Variants in RBFOX1 observed in about 807,000 individuals in gnomAD.
The protein encoded by RBFOX1 is RNA binding fox-1 homolog 1, also known as RNA binding protein fox-1 homolog 1.
Under a neutral mutation model 57.7 loss-of-function variants are expected in RBFOX1, and 8 were observed. The ratio of observed to expected loss-of-function variants is 0.14; its 90% confidence interval spans 0.08 to 0.25. RBFOX1 has a LOEUF of 0.25. Among genes scored for constraint, RBFOX1 ranks in the 10% least tolerant of loss-of-function variants. The probability of loss-of-function intolerance (pLI) is 1.00; values close to 1 mark genes in which losing one functional copy is unlikely to be tolerated. For missense variants in RBFOX1, 611 were observed against 548.5 expected, an observed-to-expected ratio of 1.11 and a Z score of -1.14; for synonymous variants, 326 against 222.4, an observed-to-expected ratio of 1.47 and a Z score of -4.15.
At chr16:6,541,256 C>G (rs1049578679) in intron 2 of RBFOX1, among the ~76,000 whole-genome samples, 2 of 152,112 alleles carry the variant, frequency 1.3e-5, no homozygotes, top group African/African-American at 4.8e-5. Context: ...TGGAATAGCC[C>G]GGGAAGGAAC....
chr16:6,166,909 G>C (rs1272230660), intron 1 of RBFOX1, among the ~76,000 whole-genome samples: 4 of 152,062 alleles, frequency 2.6e-5, no homozygotes, highest in Non-Finnish European at 5.9e-5. Context: ...AAGTAGCTGG[G>C]ACTACAGGCC....
intron 14 of RBFOX1, 22 bp downstream of exon 14, chr16:7,676,860 C>A: frequency 6.3e-7 from 1 of 1,592,374 alleles, no homozygotes; most frequent in Non-Finnish European, 8.6e-7. Flanking sequence ...CCTTCTTGTG[C>A]TTGACAACTA....
intron 1 of RBFOX1, among the ~76,000 whole-genome samples, chr16:5,276,979 A>G (rs1332363436): frequency 6.6e-6 from 1 of 152,232 alleles, no homozygotes; most frequent in Non-Finnish European, 1.5e-5. Context: ...CGTATGAAAA[A>G]GACACTTTTG....
chr16:7,147,569 A>G (rs2075279434), intron 4 of RBFOX1, among the ~76,000 whole-genome samples: 1 of 152,020 alleles, frequency 6.6e-6, no homozygotes, highest in African/African-American at 2.4e-5. Flanking sequence ...AATATGTGAT[A>G]TTTGGTTTTC....
chr16:6,439,937 G>A (rs8061581), intron 2 of RBFOX1, among the ~76,000 whole-genome samples: 40,437 of 148,322 alleles, frequency 0.27, 5,971 homozygotes, highest in East Asian at 0.4. Context: ...GTCTTAAACT[G>A]AAATACTGTG....
intron 2 of RBFOX1, among the ~76,000 whole-genome samples, chr16:5,514,319 G>C (rs2043711671): frequency 6.6e-6 from 1 of 152,186 alleles, no homozygotes; most frequent in African/African-American, 2.4e-5. Flanking sequence ...GGGACAGACA[G>C]GCTCGTCTGG....
chr16:6,879,762 T>G (rs552615777), intron 3 of RBFOX1, among the ~76,000 whole-genome samples: 1 of 152,344 alleles, frequency 6.6e-6, no homozygotes, highest in South Asian at 2.1e-4. Flanking sequence ...TTCCTGGCTG[T>G]TACTAACCCT....
Position 6,027,782 on chromosome 16 carries a change from G to A in RBFOX1, c.-127+7790G>A, listed in dbSNP as rs142260701. On this transcript the variant is annotated intron_variant, in intron 1 of 15. Transcript: ENST00000550418. ...GCAAATTGGTCCCAGAATGTGCTTCGTATATTTTCCTCTTGACTGTAACTG... is the reference window on the plus strand; with the variant it reads ...GCAAATTGGTCCCAGAATGTGCTTCATATATTTTCCTCTTGACTGTAACTG... Among the ~76,000 whole-genome samples the A allele has an allele frequency of 1.8e-3, 279 of 152,242 alleles. 3 individuals are homozygous for A. The highest frequency in any genetic ancestry group is 4.4e-3 in the East Asian group (23 of 5,170).
intron 10 of RBFOX1, among the ~76,000 whole-genome samples, chr16:7,623,942 T>G (rs537429060): frequency 1.3e-5 from 2 of 152,306 alleles, no homozygotes; most frequent in South Asian, 4.1e-4. Flanking sequence ...GCAAGTAAAG[T>G]CACATTCTGA....
rs190637177 is a variant in RBFOX1, at chr16:6,854,663, G to A, written c.-15-197394G>A. On this transcript the variant is annotated intron_variant, in intron 3 of 15. Coordinates refer to ENST00000550418, the MANE Select transcript of RBFOX1 (RefSeq NM_018723.4). ...AGGCTGGAGTGCAGTGGCGCTATCT[G>A]GGCTCACTGCAAGCTCCGCCTCCTG... 6.2e-4 allele frequency among the ~76,000 whole-genome samples: 84 copies of A among 136,240 alleles called. No homozygotes were observed. The East Asian group carries it at 0.018, about 30-fold the overall frequency. 89.4% of individuals were successfully genotyped at this position (136,240 alleles called of 152,430 possible).
chr16:6,695,754 C>T (rs940873273), intron 3 of RBFOX1, among the ~76,000 whole-genome samples: 2 of 152,216 alleles, frequency 1.3e-5, no homozygotes, highest in African/African-American at 4.8e-5. Context: ...TGAATCCTCT[C>T]TGTACTTCTT....
At chr16:5,866,945 A>G (rs1202677378) in intron 3 of RBFOX1, among the ~76,000 whole-genome samples, 1 of 152,210 alleles carries the variant, frequency 6.6e-6, no homozygotes, top group East Asian at 1.9e-4. Context: ...AAAAAAACAC[A>G]TTAAAAATGT....
At chr16:7,574,530 G>A (rs887892829) in intron 5 of RBFOX1, among the ~76,000 whole-genome samples, 8 of 152,120 alleles carry the variant, frequency 5.3e-5, no homozygotes, top group African/African-American at 1.4e-4. Context: ...GAAGAACTTG[G>A]AGTCCCATGT....
At chr16:7,261,203 T>C (rs1241705637) in intron 4 of RBFOX1, among the ~76,000 whole-genome samples, 7 of 152,218 alleles carry the variant, frequency 4.6e-5, no homozygotes, top group African/African-American at 1.7e-4. Flanking sequence ...TTTGGGTAAG[T>C]CACTTAGCTT....
At chr16:7,046,327 A>T (rs751222391) in intron 3 of RBFOX1, among the ~76,000 whole-genome samples, 1 of 151,608 alleles carries the variant, frequency 6.6e-6, no homozygotes, top group Non-Finnish European at 1.5e-5. Context: ...CGGTTTTCTT[A>T]AAGGTTGTGT....
chr16:6,963,985 A>T (rs1378955406), intron 3 of RBFOX1, among the ~76,000 whole-genome samples: 2 of 150,558 alleles, frequency 1.3e-5, no homozygotes, highest in African/African-American at 4.9e-5. Context: ...GGCGTGAGCC[A>T]CTGCGCCCAG....
chr16:5,260,727 A>C (rs2062712083), intron 1 of RBFOX1: 1 of 152,222 alleles, frequency 6.6e-6, no homozygotes, highest in East Asian at 1.9e-4. Flanking sequence ...CAGTCTCTTG[A>C]CGTCATTCTG....
intron 4 of RBFOX1, among the ~76,000 whole-genome samples, chr16:6,001,462 C>T (rs1265428585): frequency 2.6e-5 from 4 of 152,150 alleles, no homozygotes. Flanking sequence ...GCTCGAATTA[C>T]AGAAAGCAAT....
At chr16:6,786,713 G>A (rs116163415) in intron 3 of RBFOX1, among the ~76,000 whole-genome samples, 2,338 of 152,192 alleles carry the variant, frequency 0.015, 60 homozygotes, top group African/African-American at 0.053. Flanking sequence ...CTAGCACTAC[G>A]GTGCTCCCAT....
Sources: gnomAD v4.1 joint callset for allele counts (sites outside exome capture counted in the v4.1 genomes callset) on GRCh38, gnomAD v4.1.1 for gene constraint, MANE v1.5 for transcripts, NCBI Gene and HGNC (gene_info 2026-07-23, HGNC 2026-07-21) for gene names.